C1GALT1: variants seen among roughly 807,000 people sequenced by gnomAD.
C1GALT1 encodes the protein glycoprotein-N-acetylgalactosamine 3-beta-galactosyltransferase 1.
In C1GALT1, 11 loss-of-function variants were observed where a neutral mutation model predicts 31.0. The observed-to-expected ratio is 0.36, with a 90% confidence interval of 0.22 to 0.59. The LOEUF is 0.59. Ranked by LOEUF, C1GALT1 falls within the 20% of genes least tolerant of loss-of-function variation. The pLI, the probability that C1GALT1 is intolerant of heterozygous loss-of-function variation, is 0.79. For missense variants in C1GALT1, 424 were observed against 425.2 expected, an observed-to-expected ratio of 1.00 and a Z score of 0.03; for synonymous variants, 175 against 143.6, an observed-to-expected ratio of 1.22 and a Z score of -1.56.
intron 2 of C1GALT1, among the ~76,000 whole-genome samples, chr7:7,164,151 G>C (rs997643089): frequency 6.6e-6 from 1 of 152,122 alleles, no homozygotes; most frequent in Non-Finnish European, 1.5e-5. Context: ...AGAGCCCTCA[G>C]AAATAACACC....
intron 2 of C1GALT1, among the ~76,000 whole-genome samples, chr7:7,173,009 C>G (rs933417984): frequency 6.6e-6 from 1 of 152,120 alleles, no homozygotes; most frequent in Non-Finnish European, 1.5e-5. Flanking sequence ...AGTCTGCAAC[C>G]GTTCCAGATT....
At chr7:7,180,740 A>C (rs1780564269), upstream of C1GALT1, among the ~76,000 whole-genome samples, 1 of 152,170 alleles carries the variant, frequency 6.6e-6, no homozygotes, top group Admixed American at 6.5e-5. Context: ...AACAATAGTT[A>C]TTAGCTGGGT....
intron 1 of C1GALT1, among the ~76,000 whole-genome samples, chr7:7,207,057 A>C (rs1781770004): frequency 6.6e-6 from 1 of 151,962 alleles, no homozygotes; most frequent in East Asian, 1.9e-4. Flanking sequence ...TCTCTCCATT[A>C]CTTGGGACTA....
upstream of C1GALT1, among the ~76,000 whole-genome samples, chr7:7,178,631 A>T (rs1780531962): frequency 6.6e-6 from 1 of 152,204 alleles, no homozygotes; most frequent in South Asian, 2.1e-4. Context: ...TCTCTCTATA[A>T]GAGATCAAAA....
chr7:7,168,368 T>C (rs551751840), intron 2 of C1GALT1, among the ~76,000 whole-genome samples: 3 of 152,204 alleles, frequency 2.0e-5, no homozygotes, highest in Admixed American at 1.3e-4. Context: ...TGAGGTATAT[T>C]ATCTTAAAAA....
intron 2 of C1GALT1, among the ~76,000 whole-genome samples, chr7:7,161,508 T>A (rs777411745): frequency 6.6e-6 from 1 of 152,138 alleles, no homozygotes; most frequent in Non-Finnish European, 1.5e-5. Flanking sequence ...CCACTTTTTA[T>A]TATAAGAGTT....
intron 1 of C1GALT1, among the ~76,000 whole-genome samples, chr7:7,197,825 A>G (rs1253881906): frequency 1.3e-5 from 2 of 152,170 alleles, no homozygotes; most frequent in Admixed American, 6.5e-5. Flanking sequence ...GAGTTCACTC[A>G]TGATTTGGCT....
At chr7:7,227,522 C>G (rs187591593) in intron 1 of C1GALT1, among the ~76,000 whole-genome samples, 1 of 152,032 alleles carries the variant, frequency 6.6e-6, no homozygotes, top group East Asian at 1.9e-4. Context: ...AGATCGAGAC[C>G]ATCCCGGCTA....
chr7:7,157,820 G>A (rs940153859), intron 2 of C1GALT1, among the ~76,000 whole-genome samples: 1 of 152,074 alleles, frequency 6.6e-6, no homozygotes, highest in Non-Finnish European at 1.5e-5. Context: ...TGTACATTCT[G>A]AACAATTCCT....
At chr7:7,199,488 G>A (rs571752326) in intron 1 of C1GALT1, among the ~76,000 whole-genome samples, 21 of 152,334 alleles carry the variant, frequency 1.4e-4, no homozygotes, top group African/African-American at 4.1e-4. Context: ...TAAGTGTGAT[G>A]TGGTGCTGAG....
At chr7:7,237,535 GTAGTT>G (rs1338793480) in intron 2 of C1GALT1, among the ~76,000 whole-genome samples, 1 of 152,152 alleles carries the variant, frequency 6.6e-6, no homozygotes, top group Non-Finnish European at 1.5e-5. Context: ...TTGCAAACCT[GTAGTT>G]TAAAGAGCAC....
chr7:7,193,032 T>G (rs547045637), intron 1 of C1GALT1, among the ~76,000 whole-genome samples: 2 of 152,090 alleles, frequency 1.3e-5, no homozygotes, highest in Middle Eastern at 3.4e-3. Flanking sequence ...ATTTGTTTGG[T>G]TTTTTTGTAG....
intron 1 of C1GALT1, among the ~76,000 whole-genome samples, chr7:7,216,554 C>T (rs550508200): frequency 5.3e-5 from 8 of 152,222 alleles, no homozygotes; most frequent in South Asian, 2.1e-4. Context: ...GCTCCTTTAA[C>T]GGAGGCAATG....
At chr7:7,166,365 T>C (rs2128226895) in intron 2 of C1GALT1, among the ~76,000 whole-genome samples, 1 of 152,338 alleles carries the variant, frequency 6.6e-6, no homozygotes, top group East Asian at 1.9e-4. Context: ...TATGGTTTAA[T>C]TTCAAAGTAA....
At chr7:7,227,382 A>G (rs1782814234) in intron 1 of C1GALT1, among the ~76,000 whole-genome samples, 1 of 152,222 alleles carries the variant, frequency 6.6e-6, no homozygotes, top group Non-Finnish European at 1.5e-5. Flanking sequence ...TAATGGGTTA[A>G]TAACTTAATG....
At chr7:7,192,957 TG>T (rs2128232519) in intron 1 of C1GALT1, among the ~76,000 whole-genome samples, 1 of 152,326 alleles carries the variant, frequency 6.6e-6, no homozygotes, top group East Asian at 1.9e-4. Context: ...TATCTTCTTT[TG>T]GGAATTGTCT....
intron 2 of C1GALT1, among the ~76,000 whole-genome samples, chr7:7,235,527 G>T (rs558039098): frequency 6.6e-6 from 1 of 152,314 alleles, no homozygotes; most frequent in African/African-American, 2.4e-5. Context: ...CTGTGTATTT[G>T]CTCTGTAGCA....
intron 3 of C1GALT1, among the ~76,000 whole-genome samples, chr7:7,241,680 CTT>C (rs1562600572): frequency 6.6e-6 from 1 of 151,796 alleles, no homozygotes; most frequent in African/African-American, 2.4e-5. Context: ...TATATGAAAA[CTT>C]ATTTGTTTGA....
intron 1 of C1GALT1, among the ~76,000 whole-genome samples, chr7:7,198,835 G>A (rs1223362850): frequency 6.6e-6 from 1 of 152,190 alleles, no homozygotes; most frequent in Non-Finnish European, 1.5e-5. Context: ...GGTGTTTATA[G>A]TATTCTCTGA....
Sources: allele counts gnomAD v4.1 joint callset (sites outside exome capture counted in the v4.1 genomes callset), GRCh38; gene constraint gnomAD v4.1.1; transcripts MANE v1.5; gene names NCBI Gene and HGNC (gene_info 2026-07-23, HGNC 2026-07-21).